SOX6: variants seen among roughly 807,000 people sequenced by gnomAD.
SOX6 encodes SRY-box transcription factor 6.
SOX6 carries 11 observed loss-of-function variants against 97.8 expected under a neutral mutation model. The observed-to-expected ratio is 0.11, with a 90% CI of 0.07 to 0.19. The LOEUF is 0.19. Ranked by LOEUF, SOX6 falls within the 10% of genes least tolerant of loss-of-function variation. The probability of loss-of-function intolerance (pLI) is 1.00; values close to 1 mark genes in which losing one functional copy is unlikely to be tolerated. For synonymous variants in SOX6, 360 were observed against 371.4 expected, an observed-to-expected ratio of 0.97 and a Z score of 0.35; for missense variants, 810 against 1,039.5, an observed-to-expected ratio of 0.78 and a Z score of 3.04.
At chr11:16,441,079 A>G (rs72871390) in intron 1 of SOX6, among the ~76,000 whole-genome samples, 11,499 of 152,108 alleles carry the variant, frequency 0.076, 550 homozygotes, top group Non-Finnish European at 0.11. Context: ...CACTAATACT[A>G]TAGCCACCCC....
intron 2 of SOX6, among the ~76,000 whole-genome samples, chr11:16,716,096 C>T (rs1848217858): frequency 6.6e-6 from 1 of 152,100 alleles, no homozygotes; most frequent in African/African-American, 2.4e-5. Context: ...TTTATCCAGG[C>T]ATGGTGGTGC....
At chr11:16,077,328 A>G (rs1221511199) in intron 9 of SOX6, among the ~76,000 whole-genome samples, 1 of 152,212 alleles carries the variant, frequency 6.6e-6, no homozygotes, top group Non-Finnish European at 1.5e-5. Context: ...GCCAAAAAAT[A>G]ACAGATACTG....
At position 15,972,807 on chromosome 11, in the gene SOX6, C is replaced by A. The variant is rs888464473; in HGVS notation, c.*2G>T. The A allele has an allele frequency of 6.2e-7, 1 of 1,614,128 alleles. No individual in the cohort carries two copies. ...TACTTTAATTCAGCAAACAAAAACT[C>A]CTCAGTTGGCACTGACAGCCTCCGG... On this transcript the variant is annotated 3_prime_UTR_variant, in exon 16 of 16. Coordinates refer to ENST00000683767, the MANE Select transcript of SOX6 (RefSeq NM_001367873.1).
intron 3 of SOX6, among the ~76,000 whole-genome samples, chr11:16,664,411 C>T (rs1353878760): frequency 6.6e-6 from 1 of 152,142 alleles, no homozygotes; most frequent in Non-Finnish European, 1.5e-5. Flanking sequence ...GATTGTGGAA[C>T]TTAGCATTGG....
rs541376298 is a variant in SOX6, at chr11:16,727,456, A to C, written n.353+8883T>G. 1.5e-4 allele frequency among the ~76,000 whole-genome samples: 22 copies of C among 151,278 alleles called. No homozygotes were observed. The South Asian group carries it at 2.1e-3, about 14-fold the overall frequency. ...TTCTTCTTTTTTTTTTTGAGATGGA[A>C]TCTCGCTGTGCTGACCAGGCTGGAA... On this transcript the variant is annotated intron_variant and non_coding_transcript_variant, in intron 2 of 5. Coordinates refer to the SOX6 transcript ENST00000524520.
At chr11:16,558,972 AG>A (rs1298867591) in intron 4 of SOX6, among the ~76,000 whole-genome samples, 2 of 152,098 alleles carry the variant, frequency 1.3e-5, no homozygotes, top group African/African-American at 2.4e-5. Flanking sequence ...AATTGTTTGA[AG>A]ATTAATGAAA....
chr11:16,605,605 G>T lies in SOX6; in HGVS notation n.609+6476C>A. On this transcript the variant is annotated intron_variant and non_coding_transcript_variant, in intron 4 of 5. Coordinates refer to the SOX6 transcript ENST00000524520. The surrounding 1 kb of genome is among the most constrained non-coding windows in gnomAD (Gnocchi z 5.3). ...GCGCAAGCGTTTTCTAGCGACCCGG[G>T]TTTTCTTCATGAACTCCTCCGAGTA... Among the ~76,000 whole-genome samples the T allele has an allele frequency of 6.6e-6, 1 of 152,080 alleles. No individual in the cohort carries two copies. Among genetic ancestry groups the T allele is most frequent in the East Asian group, 1.9e-4 (1 of 5,156 alleles).
chr11:16,584,627 C>T (rs982599857), intron 4 of SOX6, among the ~76,000 whole-genome samples: 1 of 152,154 alleles, frequency 6.6e-6, no homozygotes, highest in Non-Finnish European at 1.5e-5. Context: ...GGTTCAACTC[C>T]TACAGTCTAC....
At chr11:16,465,537 T>G (rs1371781706) in intron 1 of SOX6, among the ~76,000 whole-genome samples, 1 of 152,182 alleles carries the variant, frequency 6.6e-6, no homozygotes, top group Admixed American at 6.5e-5. Context: ...AACTAAGTGA[T>G]AGGCTTGTCA....
chr11:16,270,349 T>C (rs1854214452), intron 3 of SOX6, among the ~76,000 whole-genome samples: 2 of 151,398 alleles, frequency 1.3e-5, no homozygotes, highest in East Asian at 3.9e-4. Context: ...AAATGACAAA[T>C]GTTTGTTAAG....
intron 3 of SOX6, among the ~76,000 whole-genome samples, chr11:16,243,291 A>G (rs1173096307): frequency 2.0e-5 from 3 of 151,928 alleles, no homozygotes; most frequent in Non-Finnish European, 4.4e-5. Flanking sequence ...ATCAATTTTT[A>G]CCACCATCTG....
intron 6 of SOX6, among the ~76,000 whole-genome samples, chr11:16,151,335 A>G (rs1033841356): frequency 6.6e-6 from 1 of 152,192 alleles, no homozygotes; most frequent in Non-Finnish European, 1.5e-5. Flanking sequence ...TGAATTTGTC[A>G]TGTCAGCTTT....
At position 16,004,118 on chromosome 11, in the gene SOX6, T is replaced by C. The variant is rs369884362; in HGVS notation, c.1732+10824A>G. 8.6e-5 allele frequency among the ~76,000 whole-genome samples: 13 copies of C among 151,998 alleles called. No homozygotes were observed. The East Asian group carries it at 2.5e-3, about 30-fold the overall frequency. The stretch of plus-strand genomic sequence containing the variant: ...AATGGGACTTTCCTTAAATAGCAGA[T>C]TCATTATAAAATAGATAAAACACGC... On this transcript the variant is annotated intron_variant, in intron 13 of 15. Transcript: ENST00000683767.
chr11:16,655,714 C>T (rs952858302), intron 3 of SOX6, among the ~76,000 whole-genome samples: 4 of 152,180 alleles, frequency 2.6e-5, no homozygotes, highest in Non-Finnish European at 5.9e-5. Flanking sequence ...ATCTTTCTTA[C>T]ATGCCCCTTC....
At chr11:16,368,608 T>A (rs925691438) in intron 1 of SOX6, among the ~76,000 whole-genome samples, 1 of 152,162 alleles carries the variant, frequency 6.6e-6, no homozygotes, top group African/African-American at 2.4e-5. Flanking sequence ...TTAAAATTAA[T>A]TGAAAATGAA....
chr11:16,423,718 TAAAC>T (rs1859066715), intron 1 of SOX6, among the ~76,000 whole-genome samples: 1 of 152,070 alleles, frequency 6.6e-6, no homozygotes, highest in South Asian at 2.1e-4. Flanking sequence ...AATATAGAGT[TAAAC>T]AGGCAGAACT....
At chr11:16,718,519 A>C (rs1564876491) in intron 2 of SOX6, among the ~76,000 whole-genome samples, 1 of 152,162 alleles carries the variant, frequency 6.6e-6, no homozygotes, top group Non-Finnish European at 1.5e-5. Context: ...AAAAAATACC[A>C]GCCAAAACAT....
At chr11:16,168,797 T>A (rs1053461276) in intron 6 of SOX6, among the ~76,000 whole-genome samples, 1 of 152,242 alleles carries the variant, frequency 6.6e-6, no homozygotes, top group Admixed American at 6.5e-5. Context: ...GAAATTATGG[T>A]TTTTTTGCTA....
At chr11:16,358,081 T>G (rs1857117804), upstream of SOX6, among the ~76,000 whole-genome samples, 1 of 152,144 alleles carries the variant, frequency 6.6e-6, no homozygotes, top group East Asian at 1.9e-4. Flanking sequence ...TTGCAACATG[T>G]GCTCACTTAT....
Sources: allele counts gnomAD v4.1 joint callset (sites outside exome capture counted in the v4.1 genomes callset), GRCh38; gene constraint gnomAD v4.1.1; non-coding constraint Gnocchi (gnomAD v3.1); transcripts MANE v1.5; gene names NCBI Gene and HGNC (gene_info 2026-07-23, HGNC 2026-07-21).